ACACB: variants seen among roughly 807,000 people sequenced by gnomAD.
ACACB encodes the protein acetyl-CoA carboxylase beta.
Under a neutral mutation model 278.8 loss-of-function variants are expected in ACACB, and 209 were observed. That is an observed-to-expected ratio of 0.75 (90% confidence interval 0.67 to 0.84). ACACB has a LOEUF of 0.84. Among genes scored for constraint, ACACB ranks in the 40% least tolerant of loss-of-function variants. The pLI is 0.00. For synonymous variants in ACACB, 1,174 were observed against 1,285.6 expected (o/e 0.91, Z 1.86); for missense variants, 2,850 against 3,269.0 (o/e 0.87, Z 3.13).
intron 28 of ACACB, among the ~76,000 whole-genome samples, chr12:109,230,294 T>G (rs1205782695): frequency 6.6e-6 from 1 of 152,236 alleles, no homozygotes; most frequent in Admixed American, 6.5e-5. Flanking sequence ...AATAGGATTG[T>G]GACATTTTAC....
chr12:109,211,557 G>C (rs576920824), intron 21 of ACACB, among the ~76,000 whole-genome samples: 221 of 152,164 alleles, frequency 1.5e-3, no homozygotes, highest in Admixed American at 2.6e-3. Flanking sequence ...CCAGCCCTGT[G>C]TGATTCCAAT....
intron 28 of ACACB, among the ~76,000 whole-genome samples, chr12:109,227,934 G>A (rs2046359312): frequency 6.6e-6 from 1 of 151,922 alleles, no homozygotes; most frequent in Non-Finnish European, 1.5e-5. Context: ...TGGGGAGGCT[G>A]AGGCAGGAGG....
In ACACB at chr12:109,252,043, C is replaced by T. The variant is rs752535880; in HGVS notation, c.5791-3C>T. On this transcript the variant is annotated splice_polypyrimidine_tract_variant and splice_region_variant and intron_variant, in intron 41 of 52. Coordinates refer to ENST00000338432, the MANE Select transcript of ACACB (RefSeq NM_001093.4). The stretch of plus-strand genomic sequence containing the variant: ...GAATTCAGAGGGGGTCCTCTCTCCA[C>T]AGGTGACCTGCCGAGCCATTGGGAT... The T allele has an allele frequency of 2.5e-6, 4 of 1,608,064 alleles. No individual in the cohort carries two copies. In the African/African-American group the frequency reaches 5.4e-5, roughly 22 times the overall value.
At position 109,124,659 on chromosome 12, in the gene ACACB, A is replaced by G. The variant is rs542969518; in HGVS notation, c.-10+7955A>G. 4.1e-4 allele frequency among the ~76,000 whole-genome samples: 63 copies of G among 152,226 alleles called. 1 individual carries two copies. The highest frequency in any genetic ancestry group is 3.1e-3 in the Admixed American group (47 of 15,284). On this transcript the variant is annotated intron_variant, in intron 1 of 52. Transcript: ENST00000338432. ...CTATAGTGATTTTCTACTTCCGTCA[A>G]TCTTTCTGTGCTTATTAGCTCTTGT...
Position 109,259,125 on chromosome 12 carries a change from C to A in ACACB, c.6496+17C>A. ...GCATGAAAGGTAAGCCCCTCCCTGC[C>A]TATGTTACCCCAAAGCCTTGGGGTC... On this transcript the variant is annotated intron_variant, in intron 47 of 52. Coordinates refer to ENST00000338432, the MANE Select transcript of ACACB (RefSeq NM_001093.4). The A allele has an allele frequency of 6.2e-7, 1 of 1,612,932 alleles. No homozygotes were observed. Among genetic ancestry groups the A allele is most frequent in the Non-Finnish European group, 8.5e-7 (1 of 1,179,354 alleles).
chr12:109,183,046 C>G (rs904620792), intron 11 of ACACB, among the ~76,000 whole-genome samples: 9 of 152,100 alleles, frequency 5.9e-5, no homozygotes, highest in Non-Finnish European at 5.9e-5. Context: ...AGACTTTTTC[C>G]CCATTGCATG....
intron 6 of ACACB, among the ~76,000 whole-genome samples, 177 bp from the exon 7 acceptor site, chr12:109,173,955 A>C (rs932341089): frequency 2.6e-4 from 40 of 152,358 alleles, no homozygotes; most frequent in African/African-American, 9.6e-4. Flanking sequence ...ATAGCAGACT[A>C]ACAGATTATT....
chr12:109,120,889 A>G (rs2042532231), intron 1 of ACACB, among the ~76,000 whole-genome samples: 1 of 152,210 alleles, frequency 6.6e-6, no homozygotes, highest in Admixed American at 6.5e-5. Flanking sequence ...AACACACACA[A>G]AGTGCACAGC....
Position 109,245,707 on chromosome 12 carries a change from G to A in ACACB, c.5260G>A (p.Gly1754Ser). 1 of 1,614,138 alleles carries A rather than the reference G, an allele frequency of 6.2e-7. No homozygotes were observed. The highest frequency in any genetic ancestry group is 8.5e-7 in the Non-Finnish European group (1 of 1,180,018). Residue 1754 changes from glycine to serine, a missense_variant, in exon 38 of 53, where the codon GGC (glycine) becomes AGC (serine). This residue lies in a region of ACACB where 2,265 missense variants were observed against 2,561.3 expected (regional missense o/e 0.88). Transcript: ENST00000338432. ...TYTELVLDSQ[G>S]QLVEMNRLPG... ...CACTGAATTAGTGTTGGACTCTCAG[G>A]GCCAGCTGGTGGAGATGAACCGACT... is the stretch of plus-strand genomic sequence containing the variant.
At chr12:109,210,270 C>CACACATATATGTGTGTATATGTAT (rs1565927678) in intron 21 of ACACB, among the ~76,000 whole-genome samples, 1 of 19,940 alleles carries the variant, frequency 5.0e-5, no homozygotes, top group African/African-American at 2.0e-4. Context: ...TGTATATGTA[C>CACACATATATGTGTGTATATGTAT]ATATACACAC....
intron 21 of ACACB, among the ~76,000 whole-genome samples, chr12:109,209,671 G>A (rs1404996503): frequency 6.6e-6 from 1 of 151,790 alleles, no homozygotes; most frequent in East Asian, 1.9e-4. Context: ...ATCATTAGAG[G>A]AAACTGCAAG....
intron 46 of ACACB, 123 bp downstream of exon 46, chr12:109,258,487 G>A (rs1287190374): frequency 4.1e-6 from 3 of 732,056 alleles, no homozygotes; most frequent in East Asian, 2.7e-5. Context: ...ACCCAGTGCA[G>A]TCCCTGGCCC....
chr12:109,175,047 T>C (rs932167181), intron 7 of ACACB, among the ~76,000 whole-genome samples: 1 of 152,246 alleles, frequency 6.6e-6, no homozygotes, highest in African/African-American at 2.4e-5. Flanking sequence ...TTAGGTTGTT[T>C]CCAATTTATT....
chr12:109,249,858 C>G, intron 40 of ACACB, 126 bp from the exon 41 acceptor site: 1 of 1,291,946 alleles, frequency 7.7e-7, no homozygotes, highest in South Asian at 1.6e-5. Context: ...TTCATTTTGC[C>G]TCTGGATGCT....
At position 109,265,283 on chromosome 12, in the gene ACACB, G is replaced by A. The variant is rs369471123; in HGVS notation, c.7113+3G>A. ...TGGAGACGGAGGGGGCTGTCAAGGT[G>A]GGCCTGGGGTGAGAACGAGGCCGGT... On this transcript the variant is annotated splice_donor_region_variant and intron_variant, in intron 51 of 52. Coordinates refer to ENST00000338432, the MANE Select transcript of ACACB (RefSeq NM_001093.4). 17 of 1,612,528 alleles carry A rather than the reference G, an allele frequency of 1.1e-5. No homozygotes were observed. The African/African-American group carries it at 1.7e-4, about 16-fold the overall frequency.
intron 20 of ACACB, among the ~76,000 whole-genome samples, chr12:109,208,570 T>A (rs1277907263): frequency 6.6e-6 from 1 of 152,122 alleles, no homozygotes; most frequent in Non-Finnish European, 1.5e-5. Flanking sequence ...CTTTGAAACC[T>A]CACAACCACA....
chr12:109,178,590 G>T (rs1432345329), intron 9 of ACACB, among the ~76,000 whole-genome samples: 1 of 152,218 alleles, frequency 6.6e-6, no homozygotes, highest in African/African-American at 2.4e-5. Flanking sequence ...AGAATATGTT[G>T]CAGGTAGTGA....
At chr12:109,172,503 C>A in intron 6 of ACACB, 147 bp downstream of exon 6, 1 of 676,002 alleles carries the variant, frequency 1.5e-6, no homozygotes, top group Non-Finnish European at 2.5e-6. Flanking sequence ...GTGAGTGAGT[C>A]CCAGGGTGGA....
intron 41 of ACACB, among the ~76,000 whole-genome samples, chr12:109,251,188 T>G (rs1311646122): frequency 6.6e-6 from 1 of 152,222 alleles, no homozygotes; most frequent in Admixed American, 6.5e-5. Context: ...GGAAGCTGCT[T>G]ATCACTAGCT....
Sources: allele counts gnomAD v4.1 joint callset (sites outside exome capture counted in the v4.1 genomes callset), GRCh38; gene constraint gnomAD v4.1.1; regional missense constraint gnomAD v4.1.1; transcripts MANE v1.5; gene names NCBI Gene and HGNC (gene_info 2026-07-23, HGNC 2026-07-21).